Variants in SDK1 observed in about 807,000 individuals in gnomAD.
SDK1 encodes protein sidekick-1.
A neutral mutation model predicts 245.5 loss-of-function variants in SDK1; 157 were observed. The observed-to-expected ratio is 0.64, with a 90% CI of 0.56 to 0.73. The LOEUF (loss-of-function observed/expected upper bound fraction) is 0.73, where lower values mean the gene tolerates loss of function less well. Among genes scored for constraint, SDK1 ranks in the 30% least tolerant of loss-of-function variants. The pLI is 0.00. For missense variants in SDK1, 3,583 were observed against 3,002.3 expected (o/e 1.19, Z -4.52); for synonymous variants, 1,647 against 1,278.5 (o/e 1.29, Z -6.15).
chr7:3,769,948 G>C (rs149055010), intron 4 of SDK1, among the ~76,000 whole-genome samples: 2 of 151,536 alleles, frequency 1.3e-5, no homozygotes, highest in African/African-American at 4.9e-5. Flanking sequence ...GTGTGTGTGT[G>C]TGTGTGTGTG....
At position 3,304,886 on chromosome 7, in the gene SDK1, A is replaced by C. The variant is rs912305552; in HGVS notation, c.298+3002A>C. On this transcript the variant is annotated intron_variant, in intron 1 of 44. Transcript: ENST00000404826. ...GTCACTCCTAGAATTGGTTTTAATAAACTTGAGGTTTGATCTGGGCATCAG... is the reference window on the plus strand; with the variant it reads ...GTCACTCCTAGAATTGGTTTTAATACACTTGAGGTTTGATCTGGGCATCAG... 2.0e-5 allele frequency among the ~76,000 whole-genome samples: 3 copies of C among 152,222 alleles called. No individual in the cohort carries two copies. The South Asian group carries it at 6.2e-4, about 32-fold the overall frequency.
At chr7:3,411,399 C>G (rs931553005) in intron 1 of SDK1, among the ~76,000 whole-genome samples, 24 of 152,186 alleles carry the variant, frequency 1.6e-4, no homozygotes, top group Admixed American at 1.0e-3. Flanking sequence ...TTATAAGAAT[C>G]AGGAACATAT....
chr7:3,956,171 C>T (rs1251012897), intron 7 of SDK1, among the ~76,000 whole-genome samples: 12 of 152,218 alleles, frequency 7.9e-5, no homozygotes, highest in Non-Finnish European at 1.6e-4. Context: ...TTTCTAGACA[C>T]AGTTGCCACT....
chr7:3,872,580 CTT>C (rs57740560), intron 5 of SDK1, among the ~76,000 whole-genome samples: 7 of 140,066 alleles, frequency 5.0e-5, no homozygotes, highest in Non-Finnish European at 6.2e-5. Flanking sequence ...TTTTTGGTAT[CTT>C]TTTTTTTTTT....
In SDK1 at chr7:4,114,217, A is replaced by G; in HGVS notation, c.3766A>G (p.Asn1256Asp). 1.2e-6 allele frequency: 2 copies of G among 1,613,548 alleles called. No individual in the cohort carries two copies. Among genetic ancestry groups the G allele is most frequent in the Non-Finnish European group, 1.7e-6 (2 of 1,179,920 alleles). The change falls in exon 25 of 45, where the codon AAC becomes GAC. Residue 1256 changes from asparagine to aspartate, a missense_variant. Physicochemically the swap from Asn to Asp is conservative, Grantham distance 23. Transcript: ENST00000404826. ...ATACGAGCTGCAGATGCAGGCCTTC[A>G]ACGCCGTCGGGGCTGGGCCGTGGAG... The part of the protein sequence containing the change: ...MEYELQMQAF[N>D]AVGAGPWSEV...
intron 4 of SDK1, among the ~76,000 whole-genome samples, chr7:3,670,804 A>G (rs1311853640): frequency 6.6e-6 from 1 of 152,166 alleles, no homozygotes; most frequent in Admixed American, 6.5e-5. Context: ...TCTGTTGTAG[A>G]TCAGTTAACA....
intron 4 of SDK1, among the ~76,000 whole-genome samples, chr7:3,684,941 C>T (rs1271231785): frequency 6.6e-6 from 1 of 151,972 alleles, no homozygotes; most frequent in Non-Finnish European, 1.5e-5. Flanking sequence ...CCAATCTGAA[C>T]AACTAAGAAA....
intron 1 of SDK1, among the ~76,000 whole-genome samples, chr7:3,570,301 C>G (rs960621016): frequency 1.4e-4 from 21 of 152,046 alleles, no homozygotes; most frequent in Non-Finnish European, 2.8e-4. Flanking sequence ...GAGTGTGCAC[C>G]CTAGATCCCT....
intron 4 of SDK1, among the ~76,000 whole-genome samples, chr7:3,741,987 C>CATAT (rs142076799): frequency 0.036 from 4,800 of 132,024 alleles, 134 homozygotes; most frequent in South Asian, 0.066. Context: ...TTGTAGTGTG[C>CATAT]ATATATATAT....
intron 1 of SDK1, among the ~76,000 whole-genome samples, chr7:3,410,631 G>C (rs1286016320): frequency 7.4e-6 from 1 of 135,832 alleles, no homozygotes; most frequent in Non-Finnish European, 1.5e-5. Context: ...CTGTCGCCTA[G>C]GCTGGAGTGC....
intron 1 of SDK1, among the ~76,000 whole-genome samples, chr7:3,606,819 GTTA>G (rs1320928645): frequency 6.6e-6 from 1 of 150,474 alleles, no homozygotes; most frequent in Non-Finnish European, 1.5e-5. Context: ...AGGTGTTTCT[GTTA>G]TTATTCTGTA....
chr7:3,965,757 G>A (rs1314506888), intron 9 of SDK1, among the ~76,000 whole-genome samples: 1 of 16,402 alleles, frequency 6.1e-5, no homozygotes, highest in Non-Finnish European at 1.1e-4. Context: ...AGGTGCGGTG[G>A]CATATTGAGC....
At chr7:3,590,970 A>G (rs1219358860) in intron 1 of SDK1, among the ~76,000 whole-genome samples, 2 of 151,996 alleles carry the variant, frequency 1.3e-5, no homozygotes, top group Non-Finnish European at 2.9e-5. Flanking sequence ...TTTTGCAGAC[A>G]TGGAGTTTTG....
Position 3,349,444 on chromosome 7 carries a change from A to G in SDK1, c.298+47560A>G, listed in dbSNP as rs372829487. Among the ~76,000 whole-genome samples the G allele has an allele frequency of 2.5e-4, 38 of 152,244 alleles. No individual in the cohort carries two copies. In the East Asian group the frequency reaches 3.3e-3, roughly 13 times the overall value. On this transcript the variant is annotated intron_variant, in intron 1 of 44. Coordinates refer to ENST00000404826, the MANE Select transcript of SDK1 (RefSeq NM_152744.4). ...CTGTTGGATGGAACTGTGCTTGGCTATTGGACCTGAGTGACTGAACACAGT... is the reference window on the plus strand; with the variant it reads ...CTGTTGGATGGAACTGTGCTTGGCTGTTGGACCTGAGTGACTGAACACAGT...
chr7:3,770,482 C>T (rs576034172), intron 4 of SDK1, among the ~76,000 whole-genome samples: 10 of 152,252 alleles, frequency 6.6e-5, no homozygotes, highest in African/African-American at 9.6e-5. Flanking sequence ...ATAGTTGCTG[C>T]GTTGTGTGGT....
At chr7:3,833,962 C>T (rs1043601782) in intron 5 of SDK1, among the ~76,000 whole-genome samples, 2 of 152,132 alleles carry the variant, frequency 1.3e-5, no homozygotes, top group African/African-American at 2.4e-5. Context: ...TTTTGATTGG[C>T]TAGTGACCCT....
At chr7:4,106,693 C>G (rs1270818009) in intron 22 of SDK1, among the ~76,000 whole-genome samples, 1 of 152,204 alleles carries the variant, frequency 6.6e-6, no homozygotes, top group African/African-American at 2.4e-5. Flanking sequence ...CTGGCTGCCT[C>G]TTGCTGTGCT....
chr7:3,550,106 A>G (rs1779353248), intron 1 of SDK1, among the ~76,000 whole-genome samples: 1 of 152,160 alleles, frequency 6.6e-6, no homozygotes, highest in African/African-American at 2.4e-5. Flanking sequence ...ATACATGGGC[A>G]TGCATGCATA....
At chr7:3,317,082 G>C (rs527557177) in intron 1 of SDK1, among the ~76,000 whole-genome samples, 6 of 149,216 alleles carry the variant, frequency 4.0e-5, no homozygotes, top group Non-Finnish European at 7.4e-5. Flanking sequence ...TTGAGGGGCT[G>C]AGGTGGGAGA....
Sources: allele counts gnomAD v4.1 joint callset (sites outside exome capture counted in the v4.1 genomes callset), GRCh38; gene constraint gnomAD v4.1.1; transcripts MANE v1.5; gene names NCBI Gene and HGNC (gene_info 2026-07-23, HGNC 2026-07-21).